The following MAGI3 variants were observed in gnomAD, a reference collection of about 807,000 sequenced individuals.
MAGI3 encodes membrane associated guanylate kinase, WW and PDZ domain containing 3.
A neutral mutation model predicts 121.8 loss-of-function variants in MAGI3; 43 were observed. That is an observed-to-expected ratio of 0.35 (90% CI 0.28 to 0.46). The LOEUF is 0.46. MAGI3 is among the 20% of genes least tolerant of loss of function. MAGI3 has a pLI of 1.00. For synonymous variants in MAGI3, 553 were observed against 639.3 expected (o/e 0.86, Z 2.04); for missense variants, 1,547 against 1,797.3 (o/e 0.86, Z 2.52).
intron 1 of MAGI3, among the ~76,000 whole-genome samples, chr1:113,490,356 G>C (rs976974843): frequency 6.6e-6 from 1 of 152,160 alleles, no homozygotes; most frequent in Non-Finnish European, 1.5e-5. Context: ...ATTACTACCA[G>C]ACCTGCCTTA....
chr1:113,548,961 G>A (rs1284100995), intron 1 of MAGI3, among the ~76,000 whole-genome samples: 2 of 152,162 alleles, frequency 1.3e-5, no homozygotes, highest in Non-Finnish European at 2.9e-5. Flanking sequence ...GAGAAATCAA[G>A]GATGACTTCT....
intron 1 of MAGI3, among the ~76,000 whole-genome samples, chr1:113,425,541 C>G (rs1652964286): frequency 6.6e-6 from 1 of 151,998 alleles, no homozygotes; most frequent in Admixed American, 6.6e-5. Flanking sequence ...ACCTCAGCCT[C>G]TCAAAGTGCT....
At chr1:113,400,481 A>C (rs1320661587) in intron 1 of MAGI3, among the ~76,000 whole-genome samples, 1 of 152,140 alleles carries the variant, frequency 6.6e-6, no homozygotes, top group Non-Finnish European at 1.5e-5. Context: ...TTTGCCAGTA[A>C]GAATCATCAT....
chr1:113,573,621 G>T (rs144290296), intron 2 of MAGI3, among the ~76,000 whole-genome samples: 36 of 152,228 alleles, frequency 2.4e-4, no homozygotes, highest in African/African-American at 8.2e-4. Context: ...CCAATTATGT[G>T]GTTGATTTTA....
intron 1 of MAGI3, among the ~76,000 whole-genome samples, chr1:113,517,429 GA>G (rs149798012): frequency 0.024 from 3,573 of 151,738 alleles, 137 homozygotes; most frequent in African/African-American, 0.082. Flanking sequence ...ATACCATAGA[GA>G]AAAAAAGTAT....
intron 16 of MAGI3, among the ~76,000 whole-genome samples, chr1:113,671,398 TAGAATAGGCAAC>T (rs902878586): frequency 3.1e-4 from 47 of 152,282 alleles, no homozygotes; most frequent in Admixed American, 2.3e-3. Context: ...TGGAAGCCCA[TAGAATAGGCAAC>T]AGTATAGTTC....
intron 15 of MAGI3, among the ~76,000 whole-genome samples, chr1:113,656,142 T>C (rs1326170074): frequency 6.6e-6 from 1 of 152,194 alleles, no homozygotes; most frequent in Non-Finnish European, 1.5e-5. Flanking sequence ...TACTTGAGAT[T>C]TTCAGTCATG....
intron 8 of MAGI3, 79 bp from the exon 9 acceptor site, chr1:113,622,727 T>A: frequency 1.7e-6 from 2 of 1,161,464 alleles, no homozygotes; most frequent in South Asian, 3.2e-5. Context: ...CATTAAAAAG[T>A]CATATAAAAG....
Position 113,654,026 on chromosome 1 carries a change from C to A in MAGI3, c.2629+8C>A. On this transcript the variant is annotated splice_region_variant and intron_variant, in intron 15 of 20. Transcript: ENST00000307546. ...ACAAACCACCTCCAGGAGGTAAGGG[C>A]TATTGTATCTTATTGTCTCTCCCTG... 6.2e-7 allele frequency: 1 copy of A among 1,603,536 alleles called. No individual in the cohort carries two copies. Among genetic ancestry groups the A allele is most frequent in the Non-Finnish European group, 8.5e-7 (1 of 1,174,784 alleles).
chr1:113,558,208 C>G (rs1047033914), intron 2 of MAGI3, among the ~76,000 whole-genome samples: 2 of 152,180 alleles, frequency 1.3e-5, no homozygotes, highest in Non-Finnish European at 2.9e-5. Flanking sequence ...CAGGCTAAGG[C>G]TGAGATGGCT....
chr1:113,571,465 C>A (rs1271865023), intron 2 of MAGI3, among the ~76,000 whole-genome samples: 1 of 152,162 alleles, frequency 6.6e-6, no homozygotes, highest in Non-Finnish European at 1.5e-5. Flanking sequence ...AGCATTGAAT[C>A]TATAAATTAC....
chr1:113,427,826 A>T (rs1489785493), intron 1 of MAGI3, among the ~76,000 whole-genome samples: 1 of 152,002 alleles, frequency 6.6e-6, no homozygotes, highest in East Asian at 1.9e-4. Context: ...TTTTTTGAGG[A>T]TAACTCAACA....
Position 113,413,359 on chromosome 1 carries a change from G to A in MAGI3, c.316+22010G>A, listed in dbSNP as rs1020671216. 3.9e-5 allele frequency among the ~76,000 whole-genome samples: 6 copies of A among 152,194 alleles called. 1 individual carries two copies. The highest frequency in any genetic ancestry group is 4.2e-4 in the South Asian group (2 of 4,812). On this transcript the variant is annotated intron_variant, in intron 1 of 20. Coordinates refer to ENST00000307546, the MANE Select transcript of MAGI3 (RefSeq NM_001142782.2). ...TTGCTTAGGATTGTCTTGGCAATGCGGGCTCTTTTTTGGTTCCATATAAAC... is the reference window on the plus strand; with the variant it reads ...TTGCTTAGGATTGTCTTGGCAATGCAGGCTCTTTTTTGGTTCCATATAAAC...
At chr1:113,488,241 T>C (rs1656491836) in intron 1 of MAGI3, among the ~76,000 whole-genome samples, 2 of 152,238 alleles carry the variant, frequency 1.3e-5, no homozygotes, top group African/African-American at 2.4e-5. Context: ...AGCCAGCTGA[T>C]GTGGATCCCA....
chr1:113,574,989 A>G (rs941095093), intron 2 of MAGI3, among the ~76,000 whole-genome samples: 1 of 151,904 alleles, frequency 6.6e-6, no homozygotes, highest in African/African-American at 2.4e-5. Flanking sequence ...GCTTATTGAT[A>G]CTTGTATATA....
intron 6 of MAGI3, among the ~76,000 whole-genome samples, chr1:113,603,358 A>ACAG (rs1649524640): frequency 1.1e-5 from 1 of 87,936 alleles, no homozygotes; most frequent in Non-Finnish European, 3.0e-5. Flanking sequence ...ATTGCCAACA[A>ACAG]CAACAACAAC....
At chr1:113,490,242 C>CT (rs1557785018) in intron 1 of MAGI3, among the ~76,000 whole-genome samples, 1 of 152,132 alleles carries the variant, frequency 6.6e-6, no homozygotes, top group East Asian at 1.9e-4. Flanking sequence ...GTTCAACATT[C>CT]TTAAAAGAAA....
intron 6 of MAGI3, among the ~76,000 whole-genome samples, chr1:113,609,317 C>G (rs2101766630): frequency 6.6e-6 from 1 of 152,274 alleles, no homozygotes; most frequent in East Asian, 1.9e-4. Context: ...TTACATTCTG[C>G]TGAACATTTA....
At chr1:113,410,335 GT>G (rs760530695) in intron 1 of MAGI3, among the ~76,000 whole-genome samples, 23 of 151,934 alleles carry the variant, frequency 1.5e-4, no homozygotes, top group Admixed American at 4.6e-4. Flanking sequence ...GTCTGCCACA[GT>G]TCTGTATTCA....
Sources: allele counts gnomAD v4.1 joint callset (sites outside exome capture counted in the v4.1 genomes callset), GRCh38; gene constraint gnomAD v4.1.1; transcripts MANE v1.5; gene names NCBI Gene and HGNC (gene_info 2026-07-23, HGNC 2026-07-21).